Variants in IGSF5 observed in about 807,000 individuals in gnomAD.
IGSF5 encodes immunoglobulin superfamily 5 like.
IGSF5 carries 41 observed loss-of-function variants against 39.4 expected under a neutral mutation model. The ratio of observed to expected loss-of-function variants is 1.04; its 90% CI spans 0.81 to 1.35. The LOEUF (loss-of-function observed/expected upper bound fraction) is 1.35, where lower values mean the gene tolerates loss of function less well. Among genes scored for constraint, IGSF5 ranks in the 40% most tolerant of loss-of-function variants. The pLI is 0.00. For missense variants in IGSF5, 487 were observed against 494.6 expected (o/e 0.98, Z 0.15); for synonymous variants, 183 against 175.3 (o/e 1.04, Z -0.34).
intron 1 of IGSF5, 49 bp from the exon 2 acceptor site, chr21:39,746,167 C>G (rs539904210): frequency 7.1e-6 from 5 of 701,034 alleles, no homozygotes; most frequent in Admixed American, 6.0e-5. Context: ...GGAACAATGG[C>G]GAGCCTTTAG....
intron 6 of IGSF5, among the ~76,000 whole-genome samples, chr21:39,788,864 C>T (rs2086942229): frequency 1.3e-5 from 2 of 152,132 alleles, no homozygotes; most frequent in South Asian, 2.1e-4. Flanking sequence ...AATATAACAA[C>T]ACATGTAGTT....
intron 2 of IGSF5, among the ~76,000 whole-genome samples, chr21:39,746,787 TATC>T (rs200789683): frequency 0.013 from 1,969 of 152,316 alleles, 18 homozygotes; most frequent in Middle Eastern, 0.02. Context: ...TTGCCATTGT[TATC>T]ATTATTATTA....
chr21:39,746,425 CT>C, intron 2 of IGSF5, 127 bp downstream of exon 2: 1 of 573,292 alleles, frequency 1.7e-6, no homozygotes, highest in Admixed American at 3.1e-5. Flanking sequence ...AAGGGGGTTG[CT>C]CCCATCCCTC....
At chr21:39,726,465 G>A in the IGSF5 span, among the ~76,000 whole-genome samples, 10 of 152,008 alleles carry the variant, frequency 6.6e-5, no homozygotes, top group Admixed American at 1.3e-4. Flanking sequence ...TCTGGGTGCC[G>A]CATCCGGTGG....
chr21:39,799,785 T>C (rs1474886119), intron 8 of IGSF5, among the ~76,000 whole-genome samples: 1 of 152,088 alleles, frequency 6.6e-6, no homozygotes, highest in Non-Finnish European at 1.5e-5. Flanking sequence ...CTTCCATATT[T>C]TAGATGGGTC....
At position 39,763,196 on chromosome 21, in the gene IGSF5, C is replaced by T. The variant is rs1257920543; in HGVS notation, c.101-2339C>T. Among the ~76,000 whole-genome samples, 8 of 152,284 alleles carry T rather than the reference C, an allele frequency of 5.3e-5. No individual in the cohort carries two copies. In the East Asian group the frequency reaches 7.7e-4, roughly 15 times the overall value. On this transcript the variant is annotated intron_variant, in intron 2 of 8. Transcript: ENST00000380588. Reference sequence around the variant, plus strand: ...GTGGTTTACTTAGGGTTTGTTCTAGCAAGGACATTAACTGTCCTCCAGTGT... The same window carrying T: ...GTGGTTTACTTAGGGTTTGTTCTAGTAAGGACATTAACTGTCCTCCAGTGT...
chr21:39,718,387 T>C, the IGSF5 span, among the ~76,000 whole-genome samples: 1 of 152,206 alleles, frequency 6.6e-6, no homozygotes, highest in Non-Finnish European at 1.5e-5. Context: ...AATACTATGC[T>C]GAATGGAAGT....
rs757732135 is a variant in IGSF5 at position 39,771,142 on chromosome 21, C to T, written c.645C>T (p.Cys215=). Residue 215 remains cysteine, a synonymous_variant, in exon 4 of 9, where the codon TGC becomes TGT. Transcript: ENST00000380588. The part of the protein sequence containing the change: ...LTPQSNGTLT[C]VATWKSLKAR... ...CACAGAGCAATGGGACTTTGACTTG[C>T]GTGGCTACCTGGAAGAGCCTGAAGG... is the stretch of plus-strand genomic sequence containing the variant. 28 of 1,608,336 alleles carry T rather than the reference C, an allele frequency of 1.7e-5. No individual in the cohort carries two copies. The highest frequency in any genetic ancestry group is 1.6e-4 in the East Asian group (7 of 44,744).
chr21:39,797,037 A>G (rs958578236), intron 8 of IGSF5, among the ~76,000 whole-genome samples: 1 of 152,146 alleles, frequency 6.6e-6, no homozygotes, highest in African/African-American at 2.4e-5. Context: ...AACACTCGGC[A>G]ATTTCAGGAG....
intron 2 of IGSF5, among the ~76,000 whole-genome samples, chr21:39,751,604 G>C (rs1409174664): frequency 6.6e-6 from 1 of 151,696 alleles, no homozygotes; most frequent in Non-Finnish European, 1.5e-5. Context: ...GCTGAGACTT[G>C]GCTGAAATTT....
Position 39,779,433 on chromosome 21 carries a change from A to G in IGSF5, c.934+128A>G, listed in dbSNP as rs2146287127. On this transcript the variant is annotated intron_variant, in intron 5 of 8. Transcript: ENST00000380588. Reference sequence around the variant, plus strand: ...CAATATCACTTTACCTCTATTAGAAACTGTGGTTGCACACTGTTGGTGGGA... The same window carrying G: ...CAATATCACTTTACCTCTATTAGAAGCTGTGGTTGCACACTGTTGGTGGGA... The G allele has an allele frequency of 3.3e-6, 4 of 1,210,580 alleles. No individual in the cohort carries two copies. In the South Asian group the frequency reaches 4.6e-5, roughly 14 times the overall value. 75.0% of individuals were successfully genotyped at this position (1,210,580 alleles called of 1,614,324 possible).
At chr21:39,755,576 G>T (rs1228143672) in intron 2 of IGSF5, among the ~76,000 whole-genome samples, 1 of 126,576 alleles carries the variant, frequency 7.9e-6, no homozygotes, top group Non-Finnish European at 1.6e-5. Context: ...GACAGAGCGA[G>T]ACTCCATCTC....
chr21:39,770,432 T>A (rs78853381), intron 3 of IGSF5, among the ~76,000 whole-genome samples: 6,087 of 152,102 alleles, frequency 0.04, 411 homozygotes, highest in African/African-American at 0.14. Context: ...TAGAAATAAA[T>A]AAAAATGTAT....
chr21:39,773,719 A>G (rs9983185), intron 4 of IGSF5, among the ~76,000 whole-genome samples: 120,128 of 152,000 alleles, frequency 0.79, 47,617 homozygotes, highest in Admixed American at 0.84. Flanking sequence ...ATTTCTCCAG[A>G]GAACCAACCT....
At chr21:39,720,152 A>G in the IGSF5 span, among the ~76,000 whole-genome samples, 1 of 152,130 alleles carries the variant, frequency 6.6e-6, no homozygotes, top group East Asian at 1.9e-4. Context: ...AAACTGTTCC[A>G]CCTCAGATCA....
chr21:39,721,431 GGCACCAGT>G, the IGSF5 span, among the ~76,000 whole-genome samples: 1 of 152,140 alleles, frequency 6.6e-6, no homozygotes, highest in Admixed American at 6.5e-5. Flanking sequence ...GCTGGAACTC[GGCACCAGT>G]GCAAGTTCAG....
chr21:39,730,661 C>T, the IGSF5 span: 1 of 152,138 alleles, frequency 6.6e-6, no homozygotes, highest in South Asian at 2.1e-4. Flanking sequence ...GCCATGCACA[C>T]CTGTGATGTG....
the IGSF5 span, among the ~76,000 whole-genome samples, chr21:39,736,176 C>T: frequency 2.6e-5 from 4 of 152,154 alleles, no homozygotes; most frequent in Admixed American, 6.5e-5. Context: ...GTCCTCCCCA[C>T]GCCCCCTCAT....
At chr21:39,739,759 G>T in the IGSF5 span, among the ~76,000 whole-genome samples, 3 of 152,140 alleles carry the variant, frequency 2.0e-5, no homozygotes, top group East Asian at 3.9e-4. Flanking sequence ...CTGTCAGGGT[G>T]GTCCAGGGGT....
Sources: gnomAD v4.1 joint callset for allele counts (sites outside exome capture counted in the v4.1 genomes callset) on GRCh38, gnomAD v4.1.1 for gene constraint, MANE v1.5 for transcripts, NCBI Gene and HGNC (gene_info 2026-07-23, HGNC 2026-07-21) for gene names.